Variants in COL20A1 observed in about 807,000 individuals in gnomAD.
COL20A1 encodes collagen type XX alpha 1 chain.
A neutral mutation model predicts 152.9 loss-of-function variants in COL20A1; 164 were observed. That is an observed-to-expected ratio of 1.07 (90% CI 0.94 to 1.22). COL20A1 has a LOEUF of 1.22. Among genes scored for constraint, COL20A1 ranks in the 50% most tolerant of loss-of-function variants. COL20A1 has a pLI of 0.00. For synonymous variants in COL20A1, 864 were observed against 756.0 expected (o/e 1.14, Z -2.34); for missense variants, 1,873 against 1,744.8 (o/e 1.07, Z -1.31).
chr20:63,307,975 G>A lies in COL20A1; in HGVS notation c.660G>A (p.Leu220=). The A allele has an allele frequency of 6.2e-7, 1 of 1,612,402 alleles. No individual in the cohort carries two copies. Among genetic ancestry groups the A allele is most frequent in the Non-Finnish European group, 8.5e-7 (1 of 1,179,612 alleles). Reference sequence around the variant, plus strand: ...GGCCATGCCCCTGCTCCCCAGGCCTGACTCAGTACAGCGGGGATGCTCAGA... The same window carrying A: ...GGCCATGCCCCTGCTCCCCAGGCCTAACTCAGTACAGCGGGGATGCTCAGA... ...EIGPDKVQVG[L]TQYSGDAQTE... Residue 220 remains leucine, a synonymous_variant, in exon 7 of 36, where the codon CTG becomes CTA. Coordinates refer to ENST00000358894, the MANE Select transcript of COL20A1 (RefSeq NM_020882.4).
intron 3 of COL20A1, among the ~76,000 whole-genome samples, chr20:63,298,449 C>G (rs1038800739): frequency 2.0e-5 from 3 of 152,046 alleles, no homozygotes; most frequent in Admixed American, 6.5e-5. Flanking sequence ...TGCCACCACT[C>G]CTGGCTAATT....
chr20:63,327,860 G>C, intron 31 of COL20A1, 92 bp from the exon 32 acceptor site: 1 of 1,316,836 alleles, frequency 7.6e-7, no homozygotes, highest in African/African-American at 1.5e-5. Context: ...CAGGCTGCCT[G>C]AGTGAGGATC....
chr20:63,297,906 G>T lies in COL20A1; in HGVS notation c.83-4G>T. ...GTCCTGACCACTATGTCCTGTTTCTGTAGCAAGCGGTCTCCTGAGGCTGGC... is the reference window on the plus strand; with the variant it reads ...GTCCTGACCACTATGTCCTGTTTCTTTAGCAAGCGGTCTCCTGAGGCTGGC... On this transcript the variant is annotated splice_region_variant and splice_polypyrimidine_tract_variant and intron_variant, in intron 2 of 35. Transcript: ENST00000358894. The T allele has an allele frequency of 6.2e-7, 1 of 1,612,452 alleles. No homozygotes were observed. Among genetic ancestry groups the T allele is most frequent in the Non-Finnish European group, 8.5e-7 (1 of 1,179,140 alleles).
At chr20:63,308,128 C>T (rs1269981840) in intron 7 of COL20A1, 38 bp downstream of exon 7, 11 of 1,582,666 alleles carry the variant, frequency 7.0e-6, no homozygotes, top group African/African-American at 3.5e-5. Flanking sequence ...GTCCTGAGGG[C>T]GGACCTCCTT....
intron 7 of COL20A1, 39 bp downstream of exon 7, chr20:63,308,129 G>T: frequency 6.3e-7 from 1 of 1,583,084 alleles, no homozygotes; most frequent in South Asian, 1.1e-5. Flanking sequence ...TCCTGAGGGC[G>T]GACCTCCTTC....
At chr20:63,312,664 G>C (rs1480807777) in intron 15 of COL20A1, 115 bp downstream of exon 15, 2 of 1,462,026 alleles carry the variant, frequency 1.4e-6, no homozygotes, top group Non-Finnish European at 1.8e-6. Context: ...TGCTGAGCCA[G>C]GTGGGGATGG....
chr20:63,307,784 T>G, intron 6 of COL20A1, 136 bp downstream of exon 6: 1 of 1,161,054 alleles, frequency 8.6e-7, no homozygotes, highest in Non-Finnish European at 1.2e-6. Context: ...CTGCTCCACA[T>G]GGGGTGTTCT....
chr20:63,308,523 T>C lies in COL20A1; in HGVS notation c.776-19T>C, dbSNP rs753946501. ...GGATGCTGGCAGCTGCCTGTCACTT[T>C]ATTCCTGCTGCTCCCAAGGCCTTGC... On this transcript the variant is annotated intron_variant, in intron 7 of 35. Transcript: ENST00000358894. The C allele has an allele frequency of 1.0e-5, 16 of 1,558,136 alleles. No individual in the cohort carries two copies. The African/African-American group carries it at 1.1e-4, about 11-fold the overall frequency.
At chr20:63,318,918 C>G (rs1206247420) in intron 21 of COL20A1, 140 bp from the exon 22 acceptor site, 2 of 664,390 alleles carry the variant, frequency 3.0e-6, no homozygotes, top group Admixed American at 2.7e-5. Context: ...GAAGGGTGTG[C>G]GGGTGCAGGG....
intron 27 of COL20A1, among the ~76,000 whole-genome samples, chr20:63,324,111 A>AT (rs1261196584): frequency 1.3e-5 from 2 of 152,134 alleles, no homozygotes; most frequent in Non-Finnish European, 2.9e-5. Flanking sequence ...TGTTGCTATT[A>AT]TAAGTGAGGT....
intron 1 of COL20A1, among the ~76,000 whole-genome samples, chr20:63,294,194 A>AG (rs2067756596): frequency 2.9e-4 from 2 of 6,876 alleles, no homozygotes; most frequent in Admixed American, 1.7e-3. Context: ...CGTGCAGGGG[A>AG]CTGGGGGTGC....
chr20:63,326,206 G>A (rs2068246015), intron 30 of COL20A1, 57 bp downstream of exon 30: 4 of 1,409,212 alleles, frequency 2.8e-6, no homozygotes, highest in South Asian at 2.3e-5. Context: ...TGTTCCAGGG[G>A]TCAGGCAGAG....
At chr20:63,328,755 C>G (rs1334895841) in intron 34 of COL20A1, among the ~76,000 whole-genome samples, 1 of 152,212 alleles carries the variant, frequency 6.6e-6, no homozygotes, top group Admixed American at 6.5e-5. Context: ...CTTCAGGAAA[C>G]ATGAGCTGCC....
chr20:63,308,836 G>A lies in COL20A1; in HGVS notation c.940+130G>A, dbSNP rs1455153550. ...CCACATCTGCGGCACGGAGCTGCAC[G>A]CAGAGCCAGGCACCGCCTGGCACTC... On this transcript the variant is annotated intron_variant, in intron 8 of 35. Transcript: ENST00000358894. The A allele has an allele frequency of 6.3e-5, 53 of 843,152 alleles. No individual in the cohort carries two copies. In the East Asian group the frequency reaches 8.7e-4, roughly 14 times the overall value. The allele number at this position is 843,152 out of a possible 1,614,324, so 52.2% of individuals were successfully genotyped here.
At chr20:63,330,229 G>A (rs1051259725) in intron 35 of COL20A1, among the ~76,000 whole-genome samples, 3 of 152,136 alleles carry the variant, frequency 2.0e-5, no homozygotes, top group African/African-American at 7.2e-5. Context: ...CAGGTGTGGG[G>A]ACAGGGTCCC....
intron 3 of COL20A1, among the ~76,000 whole-genome samples, chr20:63,302,865 C>T (rs749283594): frequency 3.3e-5 from 5 of 152,224 alleles, no homozygotes; most frequent in Non-Finnish European, 5.9e-5. Context: ...CACCCTGTCT[C>T]CCATAGACTG....
rs772468748 is a variant in COL20A1, at chr20:63,305,873, C to T, written c.338-8C>T. On this transcript the variant is annotated splice_polypyrimidine_tract_variant and splice_region_variant and intron_variant, in intron 4 of 35. Transcript: ENST00000358894. This position sits in a 1 kb window ranked among gnomAD's most constrained non-coding sequence, Gnocchi z 4.9. ...CCCACCCTGATGGCTCTTTGTGTCT[C>T]CCTGCAGTTGAGGATCTGAAGAGTA... is the stretch of plus-strand genomic sequence containing the variant. 4 of 1,612,974 alleles carry T rather than the reference C, an allele frequency of 2.5e-6. No individual in the cohort carries two copies. The highest frequency in any genetic ancestry group is 1.7e-5 in the Admixed American group (1 of 60,008).
intron 11 of COL20A1, among the ~76,000 whole-genome samples, chr20:63,310,991 C>G (rs932043104): frequency 6.6e-6 from 1 of 152,006 alleles, no homozygotes; most frequent in African/African-American, 2.4e-5. Context: ...CATTTTCATC[C>G]CCCCAGAGGA....
rs183725888 is a variant in COL20A1 at position 63,305,215 on chromosome 20, C to T, written c.194-202C>T. Among the ~76,000 whole-genome samples, 75 of 152,202 alleles carry T rather than the reference C, an allele frequency of 4.9e-4. No individual in the cohort carries two copies. The highest frequency in any genetic ancestry group is 6.8e-4 in the Non-Finnish European group (46 of 67,992). ...TTAGTAAGTGACATCTTCTTTTCACCGCCCCAAGACCCCCATTCTCTGTCA... is the reference window on the plus strand; with the variant it reads ...TTAGTAAGTGACATCTTCTTTTCACTGCCCCAAGACCCCCATTCTCTGTCA... On this transcript the variant is annotated intron_variant, in intron 3 of 35. Transcript: ENST00000358894. This position sits in a 1 kb window ranked among gnomAD's most constrained non-coding sequence, Gnocchi z 4.9.
Sources: gnomAD v4.1 joint callset for allele counts (sites outside exome capture counted in the v4.1 genomes callset) on GRCh38, gnomAD v4.1.1 for gene constraint, Gnocchi (gnomAD v3.1) non-coding constraint, MANE v1.5 for transcripts, NCBI Gene and HGNC (gene_info 2026-07-23, HGNC 2026-07-21) for gene names.